The following ESRRG variants were observed in gnomAD, a reference collection of about 807,000 sequenced individuals.
The protein encoded by ESRRG is estrogen-related receptor gamma.
Under a neutral mutation model 44.0 loss-of-function variants are expected in ESRRG, and 13 were observed. The observed-to-expected ratio is 0.30, with a 90% CI of 0.19 to 0.47. The LOEUF (loss-of-function observed/expected upper bound fraction) is 0.47, where lower values mean the gene tolerates loss of function less well. Ranked by LOEUF, ESRRG falls within the 20% of genes least tolerant of loss-of-function variation. The pLI is 1.00. For synonymous variants in ESRRG, 215 were observed against 214.6 expected, an observed-to-expected ratio of 1.00 and a Z score of -0.02; for missense variants, 395 against 580.6, an observed-to-expected ratio of 0.68 and a Z score of 3.29.
intron 1 of ESRRG, among the ~76,000 whole-genome samples, chr1:216,683,057 A>G (rs1456783911): frequency 2.6e-5 from 4 of 152,324 alleles, no homozygotes; most frequent in Middle Eastern, 6.8e-3. Flanking sequence ...AAACATGACT[A>G]CTTTACAGAG....
intron 3 of ESRRG, among the ~76,000 whole-genome samples, chr1:216,626,254 T>C (rs1332532817): frequency 6.6e-6 from 1 of 152,214 alleles, no homozygotes; most frequent in African/African-American, 2.4e-5. Context: ...TTGGGTTTTC[T>C]TCCTACAACT....
In ESRRG at chr1:216,720,197, A is replaced by T. The variant is rs114257848; in HGVS notation, c.56+3047T>A. 5.2e-3 allele frequency among the ~76,000 whole-genome samples: 785 copies of T among 152,198 alleles called. 1 individual carries two copies. Among genetic ancestry groups the T allele is most frequent in the Non-Finnish European group, 8.6e-3 (583 of 67,952 alleles). On this transcript the variant is annotated intron_variant, in intron 1 of 6. Transcript: ENST00000408911. ...GTACAATGATTACTTAATTTTTAGGAAAATAGAATTAATCCGCTCACTTTA... is the reference window on the plus strand; with the variant it reads ...GTACAATGATTACTTAATTTTTAGGTAAATAGAATTAATCCGCTCACTTTA...
At position 216,651,082 on chromosome 1, in the gene ESRRG, T is replaced by C; in HGVS notation, c.480A>G (p.Ile160Met). ...CATTCGTGGCAGGGCAGCTGTATTC[T>C]ATATTGCCTAAAACACAAGTTTGAA... ...AFFKRTIQGN[I>M]EYSCPATNEC... Residue 160 changes from isoleucine (I) to methionine (M), a missense_variant, in exon 3 of 7, where the codon ATA becomes ATG. Physicochemically the swap from Ile to Met is conservative, Grantham distance 10 (BLOSUM62 1). Transcript: ENST00000408911. 1.3e-6 allele frequency: 2 copies of C among 1,597,840 alleles called. No individual in the cohort carries two copies. Among genetic ancestry groups the C allele is most frequent in the South Asian group, 2.2e-5 (2 of 90,790 alleles).
chr1:217,009,702 C>CTTTTTTTTTTT (rs11325118), intron 1 of ESRRG, among the ~76,000 whole-genome samples: 11 of 106,352 alleles, frequency 1.0e-4, no homozygotes, highest in East Asian at 2.7e-4. Flanking sequence ...TTTTCTTTTT[C>CTTTTTTTTTTT]TTTTTTTTTT....
At chr1:216,832,318 A>G (rs1264427932) in intron 2 of ESRRG, among the ~76,000 whole-genome samples, 18 of 152,294 alleles carry the variant, frequency 1.2e-4, no homozygotes, top group Admixed American at 1.2e-3. Context: ...CTTGCTCAAC[A>G]TTGACTGACG....
intron 2 of ESRRG, among the ~76,000 whole-genome samples, chr1:216,735,667 G>A (rs1324991184): frequency 6.6e-6 from 1 of 151,836 alleles, no homozygotes; most frequent in East Asian, 2.0e-4. Flanking sequence ...ACCCTGACTG[G>A]TCTCAATTAA....
intron 1 of ESRRG, among the ~76,000 whole-genome samples, chr1:216,993,320 T>C (rs182865967): frequency 6.6e-6 from 1 of 152,314 alleles, no homozygotes; most frequent in African/African-American, 2.4e-5. Flanking sequence ...ATCTCCCTCC[T>C]TCTCCTACCT....
intron 1 of ESRRG, among the ~76,000 whole-genome samples, chr1:217,002,242 C>A (rs2077118959): frequency 6.9e-6 from 1 of 144,904 alleles, no homozygotes; most frequent in Non-Finnish European, 1.5e-5. Flanking sequence ...GCAGAGCTGG[C>A]AGTGAGCCGA....
intron 3 of ESRRG, among the ~76,000 whole-genome samples, chr1:216,617,603 A>G (rs1229213165): frequency 2.0e-5 from 3 of 152,170 alleles, no homozygotes; most frequent in Admixed American, 6.6e-5. Flanking sequence ...ACATTCTGCA[A>G]TGATCATATA....
chr1:216,933,978 G>A (rs566363655), intron 2 of ESRRG, among the ~76,000 whole-genome samples: 15 of 152,098 alleles, frequency 9.9e-5, no homozygotes, highest in South Asian at 2.1e-4. Context: ...TTCCTTGCCC[G>A]ATTCTGTTAG....
chr1:216,849,635 G>C (rs1306850473), intron 2 of ESRRG, among the ~76,000 whole-genome samples: 1 of 152,034 alleles, frequency 6.6e-6, no homozygotes, highest in African/African-American at 2.4e-5. Context: ...TGGCTACTGG[G>C]AACAATCTGC....
Position 216,506,039 on chromosome 1 carries a change from A to T in ESRRG, c.*900T>A, listed in dbSNP as rs932196651. The T allele has an allele frequency of 3.3e-5, 5 of 152,746 alleles. No individual in the cohort carries two copies. The highest frequency in any genetic ancestry group is 1.2e-4 in the African/African-American group (5 of 41,468). 9.5% of individuals were successfully genotyped at this position (152,746 alleles called of 1,614,324 possible). Reference sequence around the variant, plus strand: ...AGTATTGCATGAATGAATAAAGCTTAAACTATTCCCTGAAAAAGTTACATA... The same window carrying T: ...AGTATTGCATGAATGAATAAAGCTTTAACTATTCCCTGAAAAAGTTACATA... On this transcript the variant is annotated 3_prime_UTR_variant, in exon 7 of 7. Coordinates refer to ENST00000408911, the MANE Select transcript of ESRRG (RefSeq NM_001438.4).
chr1:216,682,419 C>T (rs1250518156), intron 1 of ESRRG, among the ~76,000 whole-genome samples: 3 of 152,118 alleles, frequency 2.0e-5, no homozygotes, highest in African/African-American at 4.8e-5. Flanking sequence ...ATTCCAAATG[C>T]TTTAAAAATT....
intron 1 of ESRRG, among the ~76,000 whole-genome samples, chr1:217,124,726 G>A (rs1195285589): frequency 2.0e-5 from 3 of 152,296 alleles, no homozygotes; most frequent in South Asian, 4.1e-4. Context: ...ATCGGGCTTA[G>A]GTAGCTCACT....
intron 2 of ESRRG, among the ~76,000 whole-genome samples, chr1:216,794,304 C>T (rs1177238794): frequency 6.6e-6 from 1 of 152,132 alleles, no homozygotes; most frequent in Non-Finnish European, 1.5e-5. Flanking sequence ...GAAAAAGTTC[C>T]TAAAGGTAAG....
At chr1:216,589,208 A>G (rs1206685036) in intron 3 of ESRRG, among the ~76,000 whole-genome samples, 5 of 152,196 alleles carry the variant, frequency 3.3e-5, no homozygotes, top group African/African-American at 1.2e-4. Flanking sequence ...ACCAACATAG[A>G]TATATGAAAA....
intron 1 of ESRRG, among the ~76,000 whole-genome samples, chr1:217,058,042 A>G (rs1483910389): frequency 2.0e-5 from 3 of 152,196 alleles, no homozygotes; most frequent in East Asian, 1.9e-4. Flanking sequence ...ACTAATAACT[A>G]TAATTCAAGA....
intron 1 of ESRRG, among the ~76,000 whole-genome samples, chr1:217,136,360 C>T (rs1346359345): frequency 6.6e-6 from 1 of 152,200 alleles, no homozygotes; most frequent in African/African-American, 2.4e-5. Context: ...AAAGGAGTTC[C>T]TGCAGTGCAG....
intron 2 of ESRRG, among the ~76,000 whole-genome samples, chr1:216,915,137 G>A (rs2060983722): frequency 6.6e-6 from 1 of 152,148 alleles, no homozygotes; most frequent in African/African-American, 2.4e-5. Flanking sequence ...TTCCCTTGGT[G>A]TGACTGCCAG....
Sources: allele counts gnomAD v4.1 joint callset (sites outside exome capture counted in the v4.1 genomes callset), GRCh38; gene constraint gnomAD v4.1.1; transcripts MANE v1.5; gene names NCBI Gene and HGNC (gene_info 2026-07-23, HGNC 2026-07-21).